Variants in CPLX1 observed in about 807,000 individuals in gnomAD.
CPLX1 encodes the protein complexin 1.
A neutral mutation model predicts 15.6 loss-of-function variants in CPLX1; 6 were observed. That is an observed-to-expected ratio of 0.39 (90% CI 0.21 to 0.76). The LOEUF is 0.76. Ranked by LOEUF, CPLX1 falls within the 30% of genes least tolerant of loss-of-function variation. The probability of loss-of-function intolerance (pLI) is 0.43; values close to 1 mark genes in which losing one functional copy is unlikely to be tolerated. For missense variants in CPLX1, 242 were observed against 188.6 expected (o/e 1.28, Z -1.66); for synonymous variants, 91 against 75.2 (o/e 1.21, Z -1.08).
chr4:807,522 T>C (rs1043793112), intron 2 of CPLX1, among the ~76,000 whole-genome samples: 3 of 152,072 alleles, frequency 2.0e-5, no homozygotes, highest in Non-Finnish European at 4.4e-5. Flanking sequence ...TTGCCCTGGC[T>C]GGAGTGCAGT....
chr4:825,939 G>A, intron 1 of CPLX1, 107 bp downstream of exon 1: 1 of 145,338 alleles, frequency 6.9e-6, no homozygotes, highest in Non-Finnish European at 1.5e-5. Flanking sequence ...AACCGGGGCC[G>A]GCGGGAGAAG....
intron 2 of CPLX1, among the ~76,000 whole-genome samples, chr4:797,500 G>C (rs1335620092): frequency 1.3e-5 from 2 of 152,108 alleles, no homozygotes; most frequent in African/African-American, 2.4e-5. Flanking sequence ...ACTAATATTT[G>C]TATTTTTAAT....
chr4:808,284 G>A (rs763173329), intron 2 of CPLX1, among the ~76,000 whole-genome samples: 1 of 151,814 alleles, frequency 6.6e-6, no homozygotes, highest in African/African-American at 2.4e-5. Context: ...CCTCCTCCTG[G>A]GCCCTTGTAA....
intron 2 of CPLX1, chr4:804,823 C>G: frequency 4.1e-6 from 4 of 985,380 alleles, no homozygotes; most frequent in Non-Finnish European, 4.8e-6. Flanking sequence ...GCCTGGAGGC[C>G]GGCAAGCGTG....
chr4:813,552 T>C (rs548289647), intron 2 of CPLX1, among the ~76,000 whole-genome samples: 39 of 152,180 alleles, frequency 2.6e-4, no homozygotes, highest in East Asian at 2.5e-3. Context: ...CAATGAGATA[T>C]CAAGAAATCA....
At chr4:810,081 G>T (rs539626739) in intron 2 of CPLX1, among the ~76,000 whole-genome samples, 1 of 135,762 alleles carries the variant, frequency 7.4e-6, no homozygotes, top group African/African-American at 2.8e-5. Flanking sequence ...ATGGAGTCTC[G>T]CTTCGTTGCC....
At chr4:815,676 T>C (rs1357553428) in intron 2 of CPLX1, among the ~76,000 whole-genome samples, 1 of 152,200 alleles carries the variant, frequency 6.6e-6, no homozygotes, top group Non-Finnish European at 1.5e-5. Flanking sequence ...TTATTGTAAG[T>C]TCCACAGTAT....
intron 1 of CPLX1, 136 bp from the exon 2 acceptor site, chr4:824,737 T>C (rs1746942478): frequency 1.4e-6 from 1 of 697,504 alleles, no homozygotes; most frequent in South Asian, 1.5e-5. Flanking sequence ...TGGGAAGTCC[T>C]TCGTGAGGGG....
chr4:797,578 G>A (rs1012439706), intron 2 of CPLX1, among the ~76,000 whole-genome samples: 2 of 151,792 alleles, frequency 1.3e-5, no homozygotes, highest in African/African-American at 2.4e-5. Flanking sequence ...CACCCGCCTC[G>A]GCCTCCCAAA....
chr4:804,741 G>A (rs1208812464), intron 2 of CPLX1: 4 of 985,316 alleles, frequency 4.1e-6, no homozygotes, highest in African/African-American at 1.7e-5. Context: ...GTGTCACAAA[G>A]AAGTGAAAAC....
chr4:795,722 A>G (rs774527510), intron 2 of CPLX1, among the ~76,000 whole-genome samples: 2 of 151,298 alleles, frequency 1.3e-5, no homozygotes, highest in Non-Finnish European at 3.0e-5. Context: ...ACAGGCGGAT[A>G]AACCCTCTGG....
intron 2 of CPLX1, among the ~76,000 whole-genome samples, chr4:803,398 CT>C (rs149105917): frequency 8.8e-4 from 131 of 149,382 alleles, no homozygotes; most frequent in African/African-American, 2.8e-3. Context: ...CTTTTCTTTC[CT>C]TTTTTTTTTG....
chr4:793,935 T>G (rs984115543), intron 2 of CPLX1, among the ~76,000 whole-genome samples: 1 of 152,212 alleles, frequency 6.6e-6, no homozygotes, highest in Non-Finnish European at 1.5e-5. Flanking sequence ...TCCACCTGGG[T>G]CCAGGTGTGC....
intron 2 of CPLX1, among the ~76,000 whole-genome samples, chr4:822,907 G>A (rs983502966): frequency 6.6e-6 from 1 of 152,186 alleles, no homozygotes; most frequent in African/African-American, 2.4e-5. Context: ...GGGGTGCTCT[G>A]GGAAGCACTC....
intron 2 of CPLX1, among the ~76,000 whole-genome samples, chr4:819,661 GC>G (rs79822067): frequency 0.29 from 43,824 of 152,130 alleles, 6,609 homozygotes; most frequent in East Asian, 0.46. Flanking sequence ...TGGGACGCCT[GC>G]CCAACACCCG....
intron 2 of CPLX1, among the ~76,000 whole-genome samples, chr4:795,448 G>T (rs899803262): frequency 1.3e-5 from 2 of 152,244 alleles, no homozygotes; most frequent in African/African-American, 4.8e-5. Context: ...CGTTTCCAGA[G>T]GAGGCCGCTG....
chr4:801,651 G>A (rs758912077), intron 2 of CPLX1, among the ~76,000 whole-genome samples: 6 of 152,346 alleles, frequency 3.9e-5, no homozygotes, highest in Middle Eastern at 3.4e-3. Context: ...CAGCCTGGGC[G>A]TGCAGGGTTG....
intron 2 of CPLX1, among the ~76,000 whole-genome samples, chr4:821,744 C>G (rs1033943381): frequency 1.3e-5 from 2 of 152,184 alleles, no homozygotes; most frequent in Non-Finnish European, 2.9e-5. Flanking sequence ...CCCGCTCCCC[C>G]ACGAGCGATC....
intron 2 of CPLX1, among the ~76,000 whole-genome samples, chr4:807,109 TGTG>T (rs1746569752): frequency 6.6e-6 from 1 of 152,132 alleles, no homozygotes; most frequent in African/African-American, 2.4e-5. Flanking sequence ...ATAAAGAAAA[TGTG>T]GTACATATAC....
Sources: gnomAD v4.1 joint callset for allele counts (sites outside exome capture counted in the v4.1 genomes callset) on GRCh38, gnomAD v4.1.1 for gene constraint, MANE v1.5 for transcripts, NCBI Gene and HGNC (gene_info 2026-07-23, HGNC 2026-07-21) for gene names.